Variants in UNC5D observed in about 807,000 individuals in gnomAD.
The protein encoded by UNC5D is netrin receptor UNC5D.
A neutral mutation model predicts 105.4 loss-of-function variants in UNC5D; 39 were observed. The observed-to-expected ratio is 0.37, with a 90% CI of 0.29 to 0.48. The LOEUF is 0.48. UNC5D is among the 20% of genes least tolerant of loss of function. The pLI is 0.98. For missense variants in UNC5D, 991 were observed against 1,202.4 expected (o/e 0.82, Z 2.60); for synonymous variants, 452 against 450.4 (o/e 1.00, Z -0.04).
intron 1 of UNC5D, among the ~76,000 whole-genome samples, chr8:35,520,519 C>A (rs1261269566): frequency 1.3e-5 from 2 of 152,054 alleles, no homozygotes; most frequent in African/African-American, 4.8e-5. Context: ...TATATTAGAA[C>A]CATTGAATTG....
intron 11 of UNC5D, among the ~76,000 whole-genome samples, chr8:35,747,737 G>C (rs1241577873): frequency 2.0e-5 from 3 of 152,106 alleles, no homozygotes; most frequent in African/African-American, 2.4e-5. Context: ...CGTGAAAGAG[G>C]GAGGCATTCA....
At chr8:35,554,676 T>C (rs1007715938) in intron 2 of UNC5D, among the ~76,000 whole-genome samples, 1 of 152,206 alleles carries the variant, frequency 6.6e-6, no homozygotes, top group Non-Finnish European at 1.5e-5. Context: ...GCTGGAGTTA[T>C]CAATAAGCTA....
intron 11 of UNC5D, among the ~76,000 whole-genome samples, chr8:35,741,775 A>T (rs7837048): frequency 7.9e-4 from 119 of 151,586 alleles, no homozygotes; most frequent in African/African-American, 2.8e-3. Flanking sequence ...GTTGCTTTGG[A>T]TTTTTTTTTA....
At chr8:35,662,967 G>A (rs1824202161) in intron 4 of UNC5D, among the ~76,000 whole-genome samples, 1 of 152,152 alleles carries the variant, frequency 6.6e-6, no homozygotes, top group Non-Finnish European at 1.5e-5. Flanking sequence ...TAGGTAGCAC[G>A]CTCCTTATCG....
chr8:35,410,159 G>A (rs1048051396), intron 1 of UNC5D, among the ~76,000 whole-genome samples: 3 of 151,896 alleles, frequency 2.0e-5, no homozygotes, highest in South Asian at 2.1e-4. Context: ...ACTCACATGA[G>A]CAACTATTGT....
chr8:35,774,587 T>C, intron 16 of UNC5D, 110 bp downstream of exon 16: 1 of 1,361,750 alleles, frequency 7.3e-7, no homozygotes, highest in Non-Finnish European at 9.9e-7. Context: ...TATGAGTTCC[T>C]CTGGCCATAT....
At chr8:35,746,748 C>T (rs968382619) in intron 11 of UNC5D, among the ~76,000 whole-genome samples, 16 of 152,166 alleles carry the variant, frequency 1.1e-4, no homozygotes, top group African/African-American at 3.9e-4. Flanking sequence ...GAGGATGATT[C>T]TCTGAAAGCA....
chr8:35,412,753 T>C (rs1195764462), intron 1 of UNC5D, among the ~76,000 whole-genome samples: 2 of 152,146 alleles, frequency 1.3e-5, no homozygotes, highest in African/African-American at 4.8e-5. Flanking sequence ...ACTTTTCTAC[T>C]GAGTAGACTG....
At chr8:35,510,310 CAAAAAAAAAA>C (rs11317897) in intron 1 of UNC5D, among the ~76,000 whole-genome samples, 1 of 71,862 alleles carries the variant, frequency 1.4e-5, no homozygotes, top group Non-Finnish European at 3.0e-5. Flanking sequence ...TTTTTATATC[CAAAAAAAAAA>C]AAAAAAAAAA....
intron 4 of UNC5D, among the ~76,000 whole-genome samples, chr8:35,629,335 T>C (rs1821892018): frequency 6.6e-6 from 1 of 152,242 alleles, no homozygotes; most frequent in Non-Finnish European, 1.5e-5. Flanking sequence ...TGGCTGTTTG[T>C]ATTTCTTCTT....
chr8:35,330,270 CTG>C (rs1810510954), intron 1 of UNC5D, among the ~76,000 whole-genome samples: 1 of 152,168 alleles, frequency 6.6e-6, no homozygotes, highest in African/African-American at 2.4e-5. Flanking sequence ...GGAAAAAAGA[CTG>C]TATTTATTGA....
chr8:35,571,899 T>A (rs953554369), intron 3 of UNC5D, among the ~76,000 whole-genome samples: 1 of 152,212 alleles, frequency 6.6e-6, no homozygotes, highest in Admixed American at 6.5e-5. Flanking sequence ...ATTGGTATCC[T>A]TTTAATATTG....
intron 1 of UNC5D, among the ~76,000 whole-genome samples, chr8:35,444,997 C>A (rs984721299): frequency 6.6e-6 from 1 of 152,128 alleles, no homozygotes; most frequent in South Asian, 2.1e-4. Context: ...TAGCATCACC[C>A]TAGCTGTGGA....
intron 2 of UNC5D, among the ~76,000 whole-genome samples, chr8:35,561,035 T>C (rs1447252436): frequency 1.3e-5 from 2 of 152,212 alleles, no homozygotes; most frequent in South Asian, 2.1e-4. Flanking sequence ...TCTTTGTCTA[T>C]GTGACCACCC....
intron 1 of UNC5D, among the ~76,000 whole-genome samples, chr8:35,332,768 A>G (rs1415111271): frequency 6.6e-6 from 1 of 152,140 alleles, no homozygotes; most frequent in African/African-American, 2.4e-5. Context: ...CCACTCTTAC[A>G]TGAACTTCAA....
At chr8:35,632,058 T>C (rs1432501989) in intron 4 of UNC5D, among the ~76,000 whole-genome samples, 1 of 152,218 alleles carries the variant, frequency 6.6e-6, no homozygotes, top group Non-Finnish European at 1.5e-5. Flanking sequence ...AAAGCCATGC[T>C]GTTCTTCCCC....
intron 1 of UNC5D, among the ~76,000 whole-genome samples, chr8:35,492,301 T>G (rs941326023): frequency 5.9e-5 from 9 of 152,154 alleles, no homozygotes; most frequent in Non-Finnish European, 1.2e-4. Context: ...TTCTTTTTAT[T>G]TTAACTGTGA....
intron 14 of UNC5D, among the ~76,000 whole-genome samples, chr8:35,760,379 C>G (rs1325307555): frequency 1.1e-4 from 17 of 151,674 alleles, no homozygotes. Flanking sequence ...TTATAAATAT[C>G]TAAAGATACT....
chr8:35,473,168 G>C (rs1171970769), intron 1 of UNC5D, among the ~76,000 whole-genome samples: 1 of 152,204 alleles, frequency 6.6e-6, no homozygotes, highest in Non-Finnish European at 1.5e-5. Context: ...AGTTGACAAT[G>C]CAGGAGAAAT....
Sources: allele counts gnomAD v4.1 joint callset (sites outside exome capture counted in the v4.1 genomes callset), GRCh38; gene constraint gnomAD v4.1.1; transcripts MANE v1.5; gene names NCBI Gene and HGNC (gene_info 2026-07-23, HGNC 2026-07-21).